RASGRP3: variants seen among roughly 807,000 people sequenced by gnomAD.
RASGRP3 encodes the protein RAS guanyl releasing protein 3, also known as ras guanyl-releasing protein 3.
In RASGRP3, 54 loss-of-function variants were observed where a neutral mutation model predicts 82.7. The observed-to-expected ratio is 0.65, with a 90% CI of 0.52 to 0.82. The LOEUF (loss-of-function observed/expected upper bound fraction) is 0.82. RASGRP3 is among the 40% of genes least tolerant of loss of function. The pLI is 0.00. For missense variants in RASGRP3, 861 were observed against 828.9 expected, an observed-to-expected ratio of 1.04 and a Z score of -0.48; for synonymous variants, 309 against 300.5, an observed-to-expected ratio of 1.03 and a Z score of -0.29.
At chr2:33,457,137 C>T (rs1241501224) in intron 2 of RASGRP3, among the ~76,000 whole-genome samples, 4 of 152,098 alleles carry the variant, frequency 2.6e-5, no homozygotes, top group Admixed American at 6.6e-5. Context: ...TCCCAAAGTA[C>T]TGGGGTTACA....
At chr2:33,441,578 T>C (rs1041111531) in intron 1 of RASGRP3, among the ~76,000 whole-genome samples, 6 of 152,250 alleles carry the variant, frequency 3.9e-5, no homozygotes, top group Non-Finnish European at 5.9e-5. Context: ...CATACACCCT[T>C]ACAGCTTGTT....
At chr2:33,516,508 T>C in intron 3 of RASGRP3, 34 bp from the exon 4 acceptor site, 1 of 1,403,508 alleles carries the variant, frequency 7.1e-7, no homozygotes, top group Non-Finnish European at 9.9e-7. Context: ...ATAGCACTAT[T>C]ATCTCCTCAC....
intron 1 of RASGRP3, among the ~76,000 whole-genome samples, chr2:33,437,335 G>GA (rs1664982154): frequency 6.6e-6 from 1 of 152,202 alleles, no homozygotes; most frequent in South Asian, 2.1e-4. Flanking sequence ...CAAAAACTTG[G>GA]AAAGCTACTA....
intron 4 of RASGRP3, among the ~76,000 whole-genome samples, chr2:33,518,592 C>T (rs973540816): frequency 6.6e-6 from 1 of 152,168 alleles, no homozygotes. Flanking sequence ...ACTTTATAAA[C>T]CTTTAAAAAC....
Position 33,523,871 on chromosome 2 carries a change from T to C in RASGRP3, c.517-8T>C, listed in dbSNP as rs1283150880. The C allele has an allele frequency of 4.4e-6, 7 of 1,600,368 alleles. No homozygotes were observed. Among genetic ancestry groups the C allele is most frequent in the Non-Finnish European group, 6.0e-6 (7 of 1,171,258 alleles). On this transcript the variant is annotated splice_polypyrimidine_tract_variant and splice_region_variant and intron_variant, in intron 7 of 17. Coordinates refer to ENST00000403687, the MANE Select transcript of RASGRP3 (RefSeq NM_001139488.2). ...ATAATTCAGAGTCTCTGAATCTTCC[T>C]TTCCTAGTTCACTGATTACCAAAGC...
chr2:33,524,082 AG>A, intron 8 of RASGRP3, 30 bp downstream of exon 8: 1 of 1,603,642 alleles, frequency 6.2e-7, no homozygotes, highest in Non-Finnish European at 8.5e-7. Context: ...TGGGTTCTTG[AG>A]TTCTAGATGT....
intron 1 of RASGRP3, among the ~76,000 whole-genome samples, chr2:33,444,385 C>A (rs1665394840): frequency 1.3e-5 from 2 of 152,022 alleles, no homozygotes; most frequent in Non-Finnish European, 2.9e-5. Context: ...TATAAAAAAC[C>A]ACTAATAAAA....
At chr2:33,455,033 G>A (rs1665967784) in intron 2 of RASGRP3, among the ~76,000 whole-genome samples, 1 of 152,160 alleles carries the variant, frequency 6.6e-6, no homozygotes, top group Non-Finnish European at 1.5e-5. Context: ...GGCATAAGGG[G>A]TGGTTGAATG....
intron 1 of RASGRP3, among the ~76,000 whole-genome samples, chr2:33,489,841 G>A (rs1668701858): frequency 6.6e-6 from 1 of 152,182 alleles, no homozygotes; most frequent in South Asian, 2.1e-4. Context: ...CCAGTTGACA[G>A]ATTGTTGATG....
At chr2:33,473,080 TG>T (rs1667152557), upstream of RASGRP3, among the ~76,000 whole-genome samples, 1 of 149,016 alleles carries the variant, frequency 6.7e-6, no homozygotes, top group South Asian at 2.1e-4. Flanking sequence ...AGAGCAAGTC[TG>T]GCTGGGGGCA....
Position 33,522,042 on chromosome 2 carries a change from GC to G in RASGRP3, c.459del (p.Ile154LeufsTer54). ...CCTGTCTGCTGTTTGACCATCTGGA[GC>G]CCATTGAATTGGCTGAGCACCTCAC... ...KACLLFDHLE[P>X]IELAEHLTFL... On this transcript the variant is annotated frameshift_variant, in exon 7 of 18. Coordinates refer to ENST00000403687, the MANE Select transcript of RASGRP3 (RefSeq NM_001139488.2). LOFTEE classifies it high-confidence loss of function. 6.2e-7 allele frequency: 1 copy of G among 1,613,898 alleles called. No homozygotes were observed. Among genetic ancestry groups the G allele is most frequent in the Non-Finnish European group, 8.5e-7 (1 of 1,179,834 alleles).
chr2:33,528,267 A>G (rs1051278701), intron 10 of RASGRP3, among the ~76,000 whole-genome samples: 1 of 152,232 alleles, frequency 6.6e-6, no homozygotes, highest in African/African-American at 2.4e-5. Context: ...AACTCAATAA[A>G]TGAACTGCAT....
intron 13 of RASGRP3, among the ~76,000 whole-genome samples, chr2:33,546,799 G>A (rs1440766254): frequency 6.6e-6 from 1 of 152,110 alleles, no homozygotes; most frequent in African/African-American, 2.4e-5. Flanking sequence ...CAGGCACGGT[G>A]GCTCATGCCT....
chr2:33,519,862 T>C, intron 4 of RASGRP3, 90 bp from the exon 5 acceptor site: 3 of 862,428 alleles, frequency 3.5e-6, no homozygotes, highest in Non-Finnish European at 5.6e-6. Context: ...CATGGTCCTC[T>C]TATTAGGAAT....
chr2:33,495,823 G>A (rs1010555335), intron 1 of RASGRP3, among the ~76,000 whole-genome samples: 3 of 152,144 alleles, frequency 2.0e-5, no homozygotes, highest in African/African-American at 4.8e-5. Context: ...ATAGTGGGAT[G>A]GTAAATGGTA....
intron 1 of RASGRP3, among the ~76,000 whole-genome samples, chr2:33,496,993 C>G (rs549192638): frequency 6.6e-6 from 1 of 152,326 alleles, no homozygotes; most frequent in South Asian, 2.1e-4. Flanking sequence ...TTAGATACTT[C>G]AGCATTTTTT....
chr2:33,492,899 G>A (rs940893893), intron 1 of RASGRP3, among the ~76,000 whole-genome samples: 7 of 152,182 alleles, frequency 4.6e-5, no homozygotes, highest in African/African-American at 1.4e-4. Context: ...CTGGGGACAT[G>A]TATGGGAGCC....
chr2:33,468,654 C>T (rs1386784234), intron 2 of RASGRP3, among the ~76,000 whole-genome samples: 1 of 152,134 alleles, frequency 6.6e-6, no homozygotes, highest in Non-Finnish European at 1.5e-5. Flanking sequence ...CCTGCCTCGG[C>T]CTCCCAAAGT....
intron 10 of RASGRP3, chr2:33,530,878 G>C (rs957361289): frequency 6.6e-6 from 1 of 152,166 alleles, no homozygotes; most frequent in Non-Finnish European, 1.5e-5. Context: ...ATCTGGAGAG[G>C]ACATTTGCCT....
Sources: gnomAD v4.1 joint callset for allele counts (sites outside exome capture counted in the v4.1 genomes callset) on GRCh38, gnomAD v4.1.1 for gene constraint, MANE v1.5 for transcripts, NCBI Gene and HGNC (gene_info 2026-07-23, HGNC 2026-07-21) for gene names.